MED13: variants seen among roughly 807,000 people sequenced by gnomAD.
MED13 encodes mediator of RNA polymerase II transcription subunit 13.
Under a neutral mutation model 225.2 loss-of-function variants are expected in MED13, and 23 were observed. The ratio of observed to expected loss-of-function variants is 0.10; its 90% confidence interval spans 0.07 to 0.14. The LOEUF (loss-of-function observed/expected upper bound fraction) is 0.14, where lower values mean the gene tolerates loss of function less well. Among genes scored for constraint, MED13 ranks in the 10% least tolerant of loss-of-function variants. The pLI, the probability that MED13 is intolerant of heterozygous loss-of-function variation, is 1.00. For synonymous variants in MED13, 942 were observed against 889.2 expected, an observed-to-expected ratio of 1.06 and a Z score of -1.06; for missense variants, 2,197 against 2,594.5, an observed-to-expected ratio of 0.85 and a Z score of 3.33.
At chr17:62,058,616 G>A (rs778638554) in intron 2 of MED13, among the ~76,000 whole-genome samples, 29 of 149,480 alleles carry the variant, frequency 1.9e-4, no homozygotes, top group African/African-American at 6.2e-4. Context: ...AAAACATATC[G>A]ACCCCGATTC....
rs762770993 is a variant in MED13, at chr17:61,983,027, A to C, written c.2976T>G (p.Pro992=). ...TSFGMPPSSA[P]PSNSGAGILP... is the part of the protein sequence containing the mutation. Reference sequence around the variant, plus strand: ...GAATTCCTGCTCCGCTGTTACTAGGAGGTGCACTGCTAGGAGGCATCCCAA... The same window carrying C: ...GAATTCCTGCTCCGCTGTTACTAGGCGGTGCACTGCTAGGAGGCATCCCAA... The change falls in exon 16 of 30, where the codon CCT becomes CCG. Residue 992 remains proline, a synonymous_variant. Transcript: ENST00000397786. 1 of 1,613,978 alleles carries C rather than the reference A, an allele frequency of 6.2e-7. No homozygotes were observed. The highest frequency in any genetic ancestry group is 1.7e-5 in the Admixed American group (1 of 60,004).
intron 16 of MED13, 105 bp from the exon 17 acceptor site, chr17:61,972,993 C>T (rs1287676206): frequency 1.2e-6 from 1 of 855,072 alleles, no homozygotes; most frequent in African/African-American, 1.7e-5. Context: ...AGGTCTTCAG[C>T]ATCAAGAAGA....
intron 9 of MED13, among the ~76,000 whole-genome samples, chr17:61,997,758 T>A (rs1354505407): frequency 6.6e-6 from 1 of 152,154 alleles, no homozygotes; most frequent in Non-Finnish European, 1.5e-5. Context: ...TGAAAGACAC[T>A]ACTACTCTCT....
chr17:61,943,057 A>C lies in MED13; in HGVS notation c.*3411T>G, dbSNP rs149323845. On this transcript the variant is annotated 3_prime_UTR_variant, in exon 30 of 30. Transcript: ENST00000397786. ...ACTCCACAAAAAAGAAAATACATAC[A>C]TAAAAATTTAAACCACAGTTCTGGG... 1 of 152,612 alleles carries C rather than the reference A, an allele frequency of 6.6e-6. No individual in the cohort carries two copies. Among genetic ancestry groups the C allele is most frequent in the Admixed American group, 6.5e-5 (1 of 15,276 alleles). 9.5% of individuals were successfully genotyped at this position (152,612 alleles called of 1,614,324 possible). A position where few individuals can be genotyped will look rare whatever the true frequency, so the allele number is the denominator to read the frequency against.
At chr17:62,020,837 C>G (rs1176462019) in intron 8 of MED13, among the ~76,000 whole-genome samples, 3 of 151,944 alleles carry the variant, frequency 2.0e-5, no homozygotes, top group African/African-American at 7.3e-5. Flanking sequence ...ACCCTGCGGC[C>G]TTCCTCAGTG....
intron 3 of MED13, among the ~76,000 whole-genome samples, chr17:62,040,962 A>G (rs2080847490): frequency 6.6e-6 from 1 of 152,196 alleles, no homozygotes; most frequent in Non-Finnish European, 1.5e-5. Flanking sequence ...CCACCATGGA[A>G]AGCAGTATGG....
chr17:61,946,722 T>C (rs956734152), intron 29 of MED13, 122 bp from the exon 30 acceptor site: 9 of 1,285,002 alleles, frequency 7.0e-6, no homozygotes, highest in Non-Finnish European at 9.8e-6. Flanking sequence ...CAGAGAGTCC[T>C]TGAGGGGAAA....
intron 8 of MED13, among the ~76,000 whole-genome samples, chr17:62,019,831 C>A (rs558107618): frequency 6.6e-6 from 1 of 151,818 alleles, no homozygotes; most frequent in South Asian, 2.1e-4. Context: ...GCAAGCTCTG[C>A]CTGCCAGGTT....
intron 29 of MED13, 41 bp from the exon 30 acceptor site, chr17:61,946,641 C>T (rs2143268613): frequency 6.3e-7 from 1 of 1,599,708 alleles, no homozygotes; most frequent in Non-Finnish European, 8.5e-7. Flanking sequence ...TATTTATTTC[C>T]AACCTAGATT....
chr17:62,044,281 T>C (rs1196292811), intron 3 of MED13, among the ~76,000 whole-genome samples: 1 of 152,006 alleles, frequency 6.6e-6, no homozygotes, highest in African/African-American at 2.4e-5. Flanking sequence ...AAAAGTACTG[T>C]TTTAATTATA....
chr17:62,035,340 A>G (rs2080793075), intron 4 of MED13, 123 bp downstream of exon 4: 1 of 886,918 alleles, frequency 1.1e-6, no homozygotes. Context: ...AGTAAATGAC[A>G]TCAAAATCAT....
At position 62,029,559 on chromosome 17, in the gene MED13, G is replaced by A; in HGVS notation, c.1265C>T (p.Thr422Ile). The change falls in exon 8 of 30, where the codon ACA becomes ATA. Residue 422 changes from threonine to isoleucine, a missense_variant. By Grantham distance (89) the Thr-to-Ile change is moderately conservative (BLOSUM62 -1). Transcript: ENST00000397786. ...SWDFVEATQR[T>I]NCSCLRHKNL... ...AATCTACCTCAAACAACTGCAATTT[G>A]TTCTTTGTGTGGCTTCAACAAAATC... 1 of 1,613,946 alleles carries A rather than the reference G, an allele frequency of 6.2e-7. No individual in the cohort carries two copies. The highest frequency in any genetic ancestry group is 8.5e-7 in the Non-Finnish European group (1 of 1,179,880).
At chr17:62,049,218 C>T (rs182330686) in intron 3 of MED13, among the ~76,000 whole-genome samples, 39 of 151,496 alleles carry the variant, frequency 2.6e-4, no homozygotes, top group Non-Finnish European at 4.4e-4. Context: ...TGAAGGGTAA[C>T]AACAGGGATA....
Position 61,972,901 on chromosome 17 carries a change from T to A in MED13, c.3806-13A>T, listed in dbSNP as rs188718012. On this transcript the variant is annotated splice_polypyrimidine_tract_variant and intron_variant, in intron 16 of 29. Coordinates refer to ENST00000397786, the MANE Select transcript of MED13 (RefSeq NM_005121.3). ...TGCATACTCACATCTACAAGCATTTTAAAAAAAACAAGTAATTAAGAATTG... is the reference window on the plus strand; with the variant it reads ...TGCATACTCACATCTACAAGCATTTAAAAAAAAACAAGTAATTAAGAATTG... The A allele has an allele frequency of 5.6e-5, 87 of 1,561,072 alleles. No homozygotes were observed. Among genetic ancestry groups the A allele is most frequent in the Admixed American group, 8.6e-5 (4 of 46,404 alleles).
chr17:62,032,831 G>GAGAAT (rs1167428501), intron 5 of MED13, among the ~76,000 whole-genome samples: 2 of 152,174 alleles, frequency 1.3e-5, no homozygotes, highest in African/African-American at 4.8e-5. Context: ...AGAGGACATA[G>GAGAAT]AGAATACAGC....
chr17:61,987,272 TA>T (rs1567961288), intron 11 of MED13, 144 bp from the exon 12 acceptor site: 5 of 395,790 alleles, frequency 1.3e-5, no homozygotes, highest in Non-Finnish European at 2.3e-5. Flanking sequence ...CCGTCTCTAC[TA>T]AAACTACAAA....
At chr17:61,997,212 C>T (rs917487109) in intron 9 of MED13, among the ~76,000 whole-genome samples, 2 of 152,108 alleles carry the variant, frequency 1.3e-5, no homozygotes, top group Admixed American at 6.6e-5. Context: ...GCAAAGTAGG[C>T]CATCAAAACA....
chr17:61,957,104 T>G (rs1464990884), intron 23 of MED13, among the ~76,000 whole-genome samples: 1 of 152,150 alleles, frequency 6.6e-6, no homozygotes, highest in Non-Finnish European at 1.5e-5. Context: ...TGGAGTGCAG[T>G]GGCACAATCT....
chr17:61,968,016 T>A lies in MED13; in HGVS notation c.4191+19A>T, dbSNP rs754381090. On this transcript the variant is annotated intron_variant, in intron 18 of 29. Coordinates refer to ENST00000397786, the MANE Select transcript of MED13 (RefSeq NM_005121.3). ...ATCGTAAGGTAGTTTTAAAATGTCATCTCTTTTTAAACACCTACCTCATAT... is the reference window on the plus strand; with the variant it reads ...ATCGTAAGGTAGTTTTAAAATGTCAACTCTTTTTAAACACCTACCTCATAT... 1.1e-5 allele frequency: 18 copies of A among 1,567,448 alleles called. No individual in the cohort carries two copies. The East Asian group carries it at 2.7e-4, about 23-fold the overall frequency.
Sources: gnomAD v4.1 joint callset for allele counts (sites outside exome capture counted in the v4.1 genomes callset) on GRCh38, gnomAD v4.1.1 for gene constraint, MANE v1.5 for transcripts, NCBI Gene and HGNC (gene_info 2026-07-23, HGNC 2026-07-21) for gene names.